CACNA2D3: variants seen among roughly 807,000 people sequenced by gnomAD.
CACNA2D3 encodes voltage-dependent calcium channel subunit alpha-2/delta-3.
Under a neutral mutation model 160.6 loss-of-function variants are expected in CACNA2D3, and 60 were observed. The observed-to-expected ratio is 0.37, with a 90% CI of 0.30 to 0.46. The LOEUF (loss-of-function observed/expected upper bound fraction) is 0.46, where lower values mean the gene tolerates loss of function less well. Among genes scored for constraint, CACNA2D3 ranks in the 20% least tolerant of loss-of-function variants. The pLI is 1.00. For missense variants in CACNA2D3, 1,205 were observed against 1,365.0 expected (o/e 0.88, Z 1.85); for synonymous variants, 558 against 492.9 (o/e 1.13, Z -1.75).
In CACNA2D3 at chr3:54,502,148, A is replaced by G. The variant is rs78272595; in HGVS notation, c.382-1344A>G. On this transcript the variant is annotated intron_variant, in intron 4 of 37. Coordinates refer to ENST00000474759, the MANE Select transcript of CACNA2D3 (RefSeq NM_018398.3). ...TATTCATTGTGTTCAGTGTTCTCTC[A>G]ACTTCCTTGATCTGTAGCTTGATTT... Among the ~76,000 whole-genome samples the G allele has an allele frequency of 8.7e-3, 1,327 of 152,278 alleles. 21 individuals are homozygous for G. The highest frequency in any genetic ancestry group is 0.03 in the African/African-American group (1,263 of 41,542).
intron 3 of CACNA2D3, among the ~76,000 whole-genome samples, chr3:54,363,807 A>C (rs956955027): frequency 5.3e-5 from 8 of 152,156 alleles, no homozygotes; most frequent in Non-Finnish European, 1.0e-4. Flanking sequence ...TGATGGAGTG[A>C]GGTTGGGTCC....
intron 13 of CACNA2D3, among the ~76,000 whole-genome samples, chr3:54,799,768 A>G (rs775726172): frequency 2.6e-5 from 4 of 152,146 alleles, no homozygotes; most frequent in Admixed American, 6.5e-5. Flanking sequence ...CTCCATGTCT[A>G]TAACCTGCCA....
intron 2 of CACNA2D3, among the ~76,000 whole-genome samples, chr3:54,134,468 G>T (rs978062862): frequency 6.6e-6 from 1 of 152,144 alleles, no homozygotes; most frequent in African/African-American, 2.4e-5. Context: ...AGGAATAGCC[G>T]CCCAGCCTTT....
At chr3:54,596,678 C>T (rs11716867) in intron 9 of CACNA2D3, among the ~76,000 whole-genome samples, 39,832 of 151,756 alleles carry the variant, frequency 0.26, 6,097 homozygotes, top group Admixed American at 0.42. Flanking sequence ...TTTCTCTCTT[C>T]GTCTTTCCTG....
intron 17 of CACNA2D3, among the ~76,000 whole-genome samples, chr3:54,864,547 A>G (rs1205343104): frequency 6.6e-6 from 1 of 152,186 alleles, no homozygotes; most frequent in Non-Finnish European, 1.5e-5. Context: ...GGCGCGAGCC[A>G]CTGTGCCTGG....
At chr3:54,822,781 T>TCCTTC (rs1246134644) in intron 14 of CACNA2D3, among the ~76,000 whole-genome samples, 10 of 83,494 alleles carry the variant, frequency 1.2e-4, no homozygotes, top group Non-Finnish European at 2.3e-4. Flanking sequence ...TTTCTTTCTT[T>TCCTTC]CTTTCTTTCC....
chr3:54,502,796 T>C (rs945034344), intron 4 of CACNA2D3, among the ~76,000 whole-genome samples: 1 of 152,262 alleles, frequency 6.6e-6, no homozygotes, highest in African/African-American at 2.4e-5. Context: ...GAGAATCAGA[T>C]GAGTTAACAC....
intron 2 of CACNA2D3, among the ~76,000 whole-genome samples, chr3:54,309,640 G>C (rs1213271335): frequency 6.6e-6 from 1 of 152,080 alleles, no homozygotes; most frequent in Non-Finnish European, 1.5e-5. Context: ...GGGGGCACTG[G>C]GCCTGGGACC....
intron 5 of CACNA2D3, among the ~76,000 whole-genome samples, chr3:54,540,979 C>T (rs1346595409): frequency 6.6e-6 from 1 of 152,064 alleles, no homozygotes; most frequent in Admixed American, 6.6e-5. Context: ...TAATAGGTGT[C>T]CTTTTAAGAA....
At chr3:54,918,321 C>CTTTTTTTTTTG in intron 27 of CACNA2D3, 1 of 390,728 alleles carries the variant, frequency 2.6e-6, no homozygotes, top group Non-Finnish European at 4.2e-6. Context: ...ACAGACACAT[C>CTTTTTTTTTTG]TTTTTTTTTT....
At chr3:54,440,739 T>G (rs1317158661) in intron 4 of CACNA2D3, among the ~76,000 whole-genome samples, 1 of 152,150 alleles carries the variant, frequency 6.6e-6, no homozygotes, top group East Asian at 1.9e-4. Flanking sequence ...ATGCGGTGTT[T>G]GGTTTTTTGT....
chr3:54,837,191 C>T lies in CACNA2D3; in HGVS notation c.1431C>T (p.Thr477=). Residue 477 remains threonine (T), a synonymous_variant, in exon 15 of 38, where the codon ACC becomes ACT. Transcript: ENST00000474759. ...ATGATCAGGGCCCCGTCCTGATGAC[C>T]ACTGTAGCCATGCCTGTGTTTAGTA... ...LTDDQGPVLM[T]TVAMPVFSKQ... The T allele has an allele frequency of 6.2e-7, 1 of 1,613,958 alleles. No homozygotes were observed. Among genetic ancestry groups the T allele is most frequent in the Non-Finnish European group, 8.5e-7 (1 of 1,179,860 alleles).
rs190441988 is a variant in CACNA2D3, at chr3:54,745,694, G to T, written c.1168-6905G>T. Among the ~76,000 whole-genome samples the T allele has an allele frequency of 7.0e-3, 1,068 of 152,252 alleles. 8 individuals carry two copies. Among genetic ancestry groups the T allele is most frequent in the Middle Eastern group, 0.014 (4 of 294 alleles). On this transcript the variant is annotated intron_variant, in intron 11 of 37. Coordinates refer to ENST00000474759, the MANE Select transcript of CACNA2D3 (RefSeq NM_018398.3). Reference sequence around the variant, plus strand: ...TGTTCCATTGTACCAACCCCAGGTCGTAGTCTCTGGATGGCCAAGAAACAC... The same window carrying T: ...TGTTCCATTGTACCAACCCCAGGTCTTAGTCTCTGGATGGCCAAGAAACAC...
intron 16 of CACNA2D3, among the ~76,000 whole-genome samples, chr3:54,845,855 A>G (rs560750908): frequency 1.4e-3 from 213 of 152,322 alleles, no homozygotes; most frequent in African/African-American, 4.9e-3. Flanking sequence ...AAGGGTTGCC[A>G]GGCTCCTGTG....
chr3:55,028,860 C>T (rs528738650), intron 35 of CACNA2D3, among the ~76,000 whole-genome samples: 1 of 152,296 alleles, frequency 6.6e-6, no homozygotes, highest in African/African-American at 2.4e-5. Context: ...AAGCTTTGCT[C>T]ATCTTCCTGG....
intron 2 of CACNA2D3, among the ~76,000 whole-genome samples, chr3:54,189,113 T>G (rs975717863): frequency 6.6e-6 from 1 of 152,252 alleles, no homozygotes; most frequent in Admixed American, 6.5e-5. Context: ...GGCTGAAATT[T>G]ATTGAAGCAA....
At chr3:54,934,925 CAG>C (rs981287786) in intron 27 of CACNA2D3, among the ~76,000 whole-genome samples, 9 of 152,150 alleles carry the variant, frequency 5.9e-5, no homozygotes, top group African/African-American at 9.6e-5. Flanking sequence ...CTAGTAGAGA[CAG>C]GGGTTTCACA....
In CACNA2D3 at chr3:54,764,345, C is replaced by A; in HGVS notation, c.1374C>A (p.Asp458Glu). 1 of 1,613,784 alleles carries A rather than the reference C, an allele frequency of 6.2e-7. No individual in the cohort carries two copies. Residue 458 changes from aspartate to glutamate, a missense_variant, in exon 13 of 38, where the codon GAC becomes GAA. Coordinates refer to ENST00000474759, the MANE Select transcript of CACNA2D3 (RefSeq NM_018398.3). The part of the protein sequence containing the change: ...HDVVWTEAYI[D>E]STLPQAQKLT... ...TGGTGTGGACCGAAGCTTACATTGA[C>A]AGCACTGTGAGTCCACGGGGCCCTG...
At chr3:54,939,325 A>G (rs113087687) in intron 27 of CACNA2D3, among the ~76,000 whole-genome samples, 123 of 152,314 alleles carry the variant, frequency 8.1e-4, no homozygotes, top group African/African-American at 2.0e-3. Flanking sequence ...CTGAGACCCA[A>G]TTTCTAAGGG....
Sources: allele counts gnomAD v4.1 joint callset (sites outside exome capture counted in the v4.1 genomes callset), GRCh38; gene constraint gnomAD v4.1.1; transcripts MANE v1.5; gene names NCBI Gene and HGNC (gene_info 2026-07-23, HGNC 2026-07-21).